PLEKHG4B: variants seen among roughly 807,000 people sequenced by gnomAD.
PLEKHG4B encodes pleckstrin homology and RhoGEF domain containing G4B.
Under a neutral mutation model 121.3 loss-of-function variants are expected in PLEKHG4B, and 111 were observed. The observed-to-expected ratio is 0.92, with a 90% CI of 0.78 to 1.07. PLEKHG4B has a LOEUF of 1.07. Among genes scored for constraint, PLEKHG4B ranks in the 50% least tolerant of loss-of-function variants. The pLI is 0.00. For missense variants in PLEKHG4B, 1,831 were observed against 1,757.8 expected (o/e 1.04, Z -0.74); for synonymous variants, 738 against 725.0 (o/e 1.02, Z -0.29).
rs1735144926 is a variant in PLEKHG4B, at chr5:140,706, C to G, written c.1467C>G (p.Thr489=). ...NCVPVEGPGC[T]KEEDVLASSA... The stretch of plus-strand genomic sequence containing the variant: ...TCCCAGTAGAGGGTCCCGGCTGCAC[C>G]AAAGAGGAAGGTAAATGCTCCCCAC... Residue 489 remains threonine, a synonymous_variant, in exon 3 of 20, where the codon ACC becomes ACG. Coordinates refer to ENST00000637938, the MANE Select transcript of PLEKHG4B (RefSeq NM_052909.5). 2 of 1,567,742 alleles carry G rather than the reference C, an allele frequency of 1.3e-6. No individual in the cohort carries two copies. Among genetic ancestry groups the G allele is most frequent in the Non-Finnish European group, 1.7e-6 (2 of 1,157,668 alleles).
intron 17 of PLEKHG4B, 99 bp from the exon 18 acceptor site, chr5:173,819 G>A: frequency 7.3e-7 from 1 of 1,378,166 alleles, no homozygotes; most frequent in South Asian, 1.4e-5. Flanking sequence ...GTCATTTGGT[G>A]TCTGGGTGAA....
At chr5:154,187 G>A (rs927588092) in intron 7 of PLEKHG4B, among the ~76,000 whole-genome samples, 1 of 151,698 alleles carries the variant, frequency 6.6e-6, no homozygotes, top group Non-Finnish European at 1.5e-5. Flanking sequence ...TGCATTTTTA[G>A]TAGAGACGGG....
At chr5:165,173 G>A (rs1461428210) in intron 13 of PLEKHG4B, among the ~76,000 whole-genome samples, 1 of 73,796 alleles carries the variant, frequency 1.4e-5, no homozygotes. Context: ...CTGACGGGGC[G>A]GGGCTCACAG....
At chr5:181,485 G>A in intron 18 of PLEKHG4B, 29 bp from the exon 19 acceptor site, 1 of 1,604,608 alleles carries the variant, frequency 6.2e-7, no homozygotes, top group Non-Finnish European at 8.5e-7. Flanking sequence ...GAGTTGCTTT[G>A]GAAACTGTCA....
At chr5:96,951 C>T (rs995808063) in intron 1 of PLEKHG4B, among the ~76,000 whole-genome samples, 12 of 152,226 alleles carry the variant, frequency 7.9e-5, no homozygotes, top group Admixed American at 2.6e-4. Flanking sequence ...AACGTAAAAT[C>T]AACCATTTTA....
chr5:169,344 C>A lies in PLEKHG4B; in HGVS notation c.3481C>A (p.Arg1161=), dbSNP rs751988828. 2 of 1,613,764 alleles carry A rather than the reference C, an allele frequency of 1.2e-6. No individual in the cohort carries two copies. Among genetic ancestry groups the A allele is most frequent in the Non-Finnish European group, 1.7e-6 (2 of 1,179,806 alleles). Residue 1161 remains arginine, a synonymous_variant, in exon 14 of 20, where the codon CGA becomes AGA. Coordinates refer to ENST00000637938, the MANE Select transcript of PLEKHG4B (RefSeq NM_052909.5). ...EDGRQQVGSS[R]LRHIMAEMIA... is the part of the protein sequence containing the mutation. ...CGGGATCTCTGTGTCTTCCAGCAGC[C>A]GACTGAGGCACATCATGGCCGAGAT... is the stretch of plus-strand genomic sequence containing the variant.
chr5:162,250 ACTGCTCGCCTGCGAGCTCCCACGCGCCC>A (rs902804437), intron 12 of PLEKHG4B, among the ~76,000 whole-genome samples: 6 of 147,218 alleles, frequency 4.1e-5, no homozygotes, highest in East Asian at 2.0e-4. Flanking sequence ...GCTACAGCAG[ACTGCTCGCCTGCGAGCTCCCACGCGCCC>A]CAGACCGCAC....
rs1579277688 is a variant in PLEKHG4B at position 140,364 on chromosome 5, C to T, written c.1125C>T (p.Asp375=). The T allele has an allele frequency of 6.4e-7, 1 of 1,552,120 alleles. No homozygotes were observed. The highest frequency in any genetic ancestry group is 2.4e-5 in the East Asian group (1 of 41,666). The stretch of plus-strand genomic sequence containing the variant: ...GCAGCTCTGAGGAGGCCCTCGGGGA[C>T]CTGGCCTGCAGCTCCCTGACTGGAG... ...PLGSSEEALG[D]LACSSLTGAS... The change falls in exon 3 of 20, where the codon GAC becomes GAT. Residue 375 remains aspartate, a synonymous_variant. Transcript: ENST00000637938.
rs145298202 is a variant in PLEKHG4B, at chr5:133,340, C to T, written c.244-6143C>T. On this transcript the variant is annotated intron_variant, in intron 2 of 19. Coordinates refer to ENST00000637938, the MANE Select transcript of PLEKHG4B (RefSeq NM_052909.5). The stretch of plus-strand genomic sequence containing the variant: ...ATATGACCATATCATCAACCAAAAA[C>T]GACAGTTCGACTTCCTCTGTACTGA... Among the ~76,000 whole-genome samples the T allele has an allele frequency of 8.4e-3, 1,273 of 152,104 alleles. 22 individuals carry two copies. The highest frequency in any genetic ancestry group is 0.029 in the African/African-American group (1,208 of 41,482).
intron 2 of PLEKHG4B, among the ~76,000 whole-genome samples, chr5:119,335 C>G (rs1029846192): frequency 6.6e-6 from 1 of 152,272 alleles, no homozygotes; most frequent in South Asian, 2.1e-4. Context: ...ATTATTGGAA[C>G]ACTAAGCTTG....
chr5:160,909 G>C (rs112196954), intron 11 of PLEKHG4B, among the ~76,000 whole-genome samples: 13 of 152,148 alleles, frequency 8.5e-5, no homozygotes, highest in African/African-American at 2.9e-4. Flanking sequence ...AAGATGCTGT[G>C]ATTTTCTTCT....
intron 5 of PLEKHG4B, 52 bp downstream of exon 5, chr5:143,555 ATGTG>A (rs1560926067): frequency 6.3e-7 from 1 of 1,595,466 alleles, no homozygotes; most frequent in Admixed American, 1.7e-5. Flanking sequence ...CCCCAGCTGC[ATGTG>A]TGTGGCAAAG....
chr5:162,763 C>T lies in PLEKHG4B; in HGVS notation c.2691C>T (p.Pro897=). Residue 897 remains proline, a synonymous_variant, in exon 13 of 20, where the codon CCC becomes CCT. Coordinates refer to ENST00000637938, the MANE Select transcript of PLEKHG4B (RefSeq NM_052909.5). ...WMGPLDPEAC[P]SSPVAECLRS... ...GGCCCCTGGACCCGGAGGCTTGTCC[C>T]TCCTCACCCGTGGCTGAGTGTTTGA... is the stretch of plus-strand genomic sequence containing the variant. 2.0e-6 allele frequency: 3 copies of T among 1,475,418 alleles called. No homozygotes were observed. The highest frequency in any genetic ancestry group is 1.8e-6 in the Non-Finnish European group (2 of 1,114,152). 91.4% of individuals were successfully genotyped at this position (1,475,418 alleles called of 1,614,324 possible). A position where few individuals can be genotyped will look rare whatever the true frequency, so the allele number is the denominator to read the frequency against.
At chr5:161,712 C>G in intron 11 of PLEKHG4B, 71 bp from the exon 12 acceptor site, 1 of 1,605,910 alleles carries the variant, frequency 6.2e-7, no homozygotes, top group Non-Finnish European at 8.5e-7. Flanking sequence ...TACACGCAGA[C>G]CCAGCCCACA....
rs1043387569 is a variant in PLEKHG4B, at chr5:113,690, A to G, written c.243+242A>G. ...TGTCCCCCACCCCCAATAAACTTGC[A>G]CTGCATTCTTTGAAGGAAGTAAATA... On this transcript the variant is annotated intron_variant, in intron 2 of 19. Coordinates refer to ENST00000637938, the MANE Select transcript of PLEKHG4B (RefSeq NM_052909.5). The surrounding 1 kb of genome is among the most constrained non-coding windows in gnomAD (Gnocchi z 5.2). 2.0e-5 allele frequency among the ~76,000 whole-genome samples: 3 copies of G among 152,156 alleles called. No homozygotes were observed. The highest frequency in any genetic ancestry group is 7.2e-5 in the African/African-American group (3 of 41,430).
intron 1 of PLEKHG4B, among the ~76,000 whole-genome samples, chr5:111,654 G>T (rs550113706): frequency 1.3e-5 from 2 of 152,136 alleles, no homozygotes; most frequent in African/African-American, 4.8e-5. Context: ...CGTCTCTCCC[G>T]GGGATGGCCC....
chr5:101,615 T>A (rs376104906), intron 1 of PLEKHG4B, among the ~76,000 whole-genome samples: 1 of 105,170 alleles, frequency 9.5e-6, no homozygotes, highest in Non-Finnish European at 1.8e-5. Flanking sequence ...CTGGGAAAAG[T>A]CTGTAGGGGA....
chr5:132,217 A>G (rs1734801373), intron 2 of PLEKHG4B, among the ~76,000 whole-genome samples: 1 of 152,154 alleles, frequency 6.6e-6, no homozygotes, highest in Non-Finnish European at 1.5e-5. Flanking sequence ...GGAAATTAAG[A>G]AGCAAAATTA....
chr5:174,583 A>T (rs1408315072), intron 18 of PLEKHG4B, among the ~76,000 whole-genome samples: 1 of 152,182 alleles, frequency 6.6e-6, no homozygotes, highest in Non-Finnish European at 1.5e-5. Context: ...CTTCAAAGGG[A>T]TGGGGTCATT....
Sources: gnomAD v4.1 joint callset for allele counts (sites outside exome capture counted in the v4.1 genomes callset) on GRCh38, gnomAD v4.1.1 for gene constraint, Gnocchi (gnomAD v3.1) non-coding constraint, MANE v1.5 for transcripts, NCBI Gene and HGNC (gene_info 2026-07-23, HGNC 2026-07-21) for gene names.